The following HNRNPA1L2 variants were observed in gnomAD, a reference collection of about 807,000 sequenced individuals.
HNRNPA1L2 encodes heterogeneous nuclear ribonucleoprotein A1 like 2, also known as heterogeneous nuclear ribonucleoprotein A1-like 2.
A neutral mutation model predicts 18.2 loss-of-function variants in HNRNPA1L2; 10 were observed. The ratio of observed to expected loss-of-function variants is 0.55; its 90% CI spans 0.34 to 0.93. The LOEUF (loss-of-function observed/expected upper bound fraction) is 0.93. Among genes scored for constraint, HNRNPA1L2 ranks in the 40% least tolerant of loss-of-function variants. The pLI is 0.02. For synonymous variants in HNRNPA1L2, 124 were observed against 138.6 expected, an observed-to-expected ratio of 0.89 and a Z score of 0.74; for missense variants, 308 against 394.4, an observed-to-expected ratio of 0.78 and a Z score of 1.85.
At chr13:52,623,279 T>C in the HNRNPA1L2 span, among the ~76,000 whole-genome samples, 1 of 152,130 alleles carries the variant, frequency 6.6e-6, no homozygotes, top group Admixed American at 6.5e-5. Flanking sequence ...ATTACAGAAA[T>C]GGTAAAGTGA....
At chr13:52,627,261 T>C in the HNRNPA1L2 span, among the ~76,000 whole-genome samples, 2 of 152,214 alleles carry the variant, frequency 1.3e-5, no homozygotes, top group Non-Finnish European at 1.5e-5. Context: ...AAAGTTTATA[T>C]AAAACTGGTA....
chr13:52,630,018 G>A, the HNRNPA1L2 span, among the ~76,000 whole-genome samples: 2 of 152,222 alleles, frequency 1.3e-5, no homozygotes, highest in African/African-American at 4.8e-5. Flanking sequence ...AATCTGGGAG[G>A]TGGAGGTTGC....
chr13:52,618,970 T>C, the HNRNPA1L2 span, among the ~76,000 whole-genome samples: 1 of 152,232 alleles, frequency 6.6e-6, no homozygotes, highest in African/African-American at 2.4e-5. Flanking sequence ...TTCATTCCCC[T>C]GATTACCACC....
the HNRNPA1L2 span, among the ~76,000 whole-genome samples, chr13:52,627,259 T>C: frequency 2.0e-5 from 3 of 152,238 alleles, no homozygotes; most frequent in Non-Finnish European, 4.4e-5. Context: ...TCAAAGTTTA[T>C]ATAAAACTGG....
the HNRNPA1L2 span, among the ~76,000 whole-genome samples, chr13:52,635,531 T>C: frequency 6.6e-6 from 1 of 151,290 alleles, no homozygotes; most frequent in African/African-American, 2.4e-5. Flanking sequence ...GATACACCCG[T>C]GAAACTGCCA....
the HNRNPA1L2 span, among the ~76,000 whole-genome samples, chr13:52,634,307 C>T: frequency 5.3e-5 from 8 of 152,186 alleles, no homozygotes; most frequent in African/African-American, 1.9e-4. Flanking sequence ...CACTTGGATT[C>T]TGGAAGGAGC....
chr13:52,638,803 T>G (rs1961545837), upstream of HNRNPA1L2, among the ~76,000 whole-genome samples: 1 of 152,192 alleles, frequency 6.6e-6, no homozygotes, highest in Admixed American at 6.5e-5. Context: ...ACTGTGCTGC[T>G]TAATATTTCC....
the HNRNPA1L2 span, among the ~76,000 whole-genome samples, chr13:52,632,961 A>C: frequency 6.6e-6 from 1 of 152,202 alleles, no homozygotes; most frequent in Non-Finnish European, 1.5e-5. Flanking sequence ...GGGTTCAACC[A>C]ACACACATAT....
the HNRNPA1L2 span, among the ~76,000 whole-genome samples, chr13:52,619,978 T>C: frequency 6.6e-6 from 1 of 150,492 alleles, no homozygotes; most frequent in Admixed American, 6.6e-5. Context: ...GTACCATATA[T>C]TGAATATTAT....
chr13:52,618,893 T>C, the HNRNPA1L2 span, among the ~76,000 whole-genome samples: 1 of 152,232 alleles, frequency 6.6e-6, no homozygotes, highest in African/African-American at 2.4e-5. Context: ...TCCTGTAATG[T>C]AGATTGCTTT....
chr13:52,636,012 T>G, the HNRNPA1L2 span, among the ~76,000 whole-genome samples: 1 of 152,066 alleles, frequency 6.6e-6, no homozygotes, highest in African/African-American at 2.4e-5. Flanking sequence ...AATTTTTGTA[T>G]TTTTAGTAAA....
At chr13:52,635,054 A>G in the HNRNPA1L2 span, among the ~76,000 whole-genome samples, 1 of 152,234 alleles carries the variant, frequency 6.6e-6, no homozygotes, top group Non-Finnish European at 1.5e-5. Context: ...AAGTTATTTC[A>G]TTGGTGTGAT....
chr13:52,642,223 A>C (rs926756484), upstream of HNRNPA1L2: 1 of 486,172 alleles, frequency 2.1e-6, no homozygotes, highest in Admixed American at 3.5e-5. Context: ...TGACTTAGTC[A>C]TGTGCTGGAG....
At chr13:52,630,893 TA>T in the HNRNPA1L2 span, among the ~76,000 whole-genome samples, 18 of 152,210 alleles carry the variant, frequency 1.2e-4, no homozygotes, top group Admixed American at 6.5e-5. Flanking sequence ...GGAGAAAATT[TA>T]ACTGAATCAT....
In HNRNPA1L2 at chr13:52,642,852, C is replaced by T. The variant is rs1304058939; in HGVS notation, c.360C>T (p.His120=). 1 of 1,596,298 alleles carries T rather than the reference C, an allele frequency of 6.3e-7. No individual in the cohort carries two copies. The highest frequency in any genetic ancestry group is 8.5e-7 in the Non-Finnish European group (1 of 1,179,576). Reference sequence around the variant, plus strand: ...TTAAAGAAGACACTGAAGAACATCACCTAAGAGATTATTTTGAACAGTATG... The same window carrying T: ...TTAAAGAAGACACTGAAGAACATCATCTAAGAGATTATTTTGAACAGTATG... ...GGIKEDTEEH[H]LRDYFEQYGK... is the part of the protein sequence containing the mutation. Residue 120 remains histidine, a synonymous_variant, in exon 1 of 1, where the codon CAC becomes CAT. Transcript: ENST00000357495.
chr13:52,627,156 A>G, the HNRNPA1L2 span, among the ~76,000 whole-genome samples: 1 of 152,186 alleles, frequency 6.6e-6, no homozygotes. Context: ...TTTTTGAAAT[A>G]CAATAGCATC....
chr13:52,626,862 C>G, the HNRNPA1L2 span, among the ~76,000 whole-genome samples: 4 of 152,124 alleles, frequency 2.6e-5, no homozygotes, highest in Admixed American at 2.6e-4. Flanking sequence ...CAATTGTTGT[C>G]TTGATTGTTT....
At chr13:52,633,360 A>C in the HNRNPA1L2 span, among the ~76,000 whole-genome samples, 14 of 152,194 alleles carry the variant, frequency 9.2e-5, no homozygotes, top group Non-Finnish European at 2.1e-4. Flanking sequence ...TTTGTTCCCT[A>C]TTCTTCCCCT....
the HNRNPA1L2 span, among the ~76,000 whole-genome samples, chr13:52,635,096 A>G: frequency 6.6e-6 from 1 of 152,200 alleles, no homozygotes; most frequent in Non-Finnish European, 1.5e-5. Context: ...TAAGCCTAAC[A>G]GTTGTGATAG....
Sources: gnomAD v4.1 joint callset for allele counts (sites outside exome capture counted in the v4.1 genomes callset) on GRCh38, gnomAD v4.1.1 for gene constraint, MANE v1.5 for transcripts, NCBI Gene and HGNC (gene_info 2026-07-23, HGNC 2026-07-21) for gene names.